The following SURF4 variants were observed in gnomAD, a reference collection of about 807,000 sequenced individuals.
SURF4 encodes the protein surfeit 4, also known as surfeit locus protein 4.
A neutral mutation model predicts 30.0 loss-of-function variants in SURF4; 3 were observed. That is an observed-to-expected ratio of 0.10 (90% CI 0.05 to 0.26). The LOEUF (loss-of-function observed/expected upper bound fraction) is 0.26, where lower values mean the gene tolerates loss of function less well. Ranked by LOEUF, SURF4 falls within the 10% of genes least tolerant of loss-of-function variation. The pLI is 1.00. For missense variants in SURF4, 217 were observed against 350.8 expected, an observed-to-expected ratio of 0.62 and a Z score of 3.05; for synonymous variants, 143 against 139.9, an observed-to-expected ratio of 1.02 and a Z score of -0.16.
Position 133,375,360 on chromosome 9 carries a change from G to C in SURF4, c.48+562C>G, listed in dbSNP as rs1032438297. The stretch of plus-strand genomic sequence containing the variant: ...AAACGGGGAGGGAGACGCAGACAGG[G>C]TCAAAGGGACCCCAAGAGTCCAGCA... On this transcript the variant is annotated intron_variant, in intron 1 of 5. Transcript: ENST00000371989. 7 of 985,654 alleles carry C rather than the reference G, an allele frequency of 7.1e-6. No homozygotes were observed. The African/African-American group carries it at 1.0e-4, about 15-fold the overall frequency. 61.1% of individuals were successfully genotyped at this position (985,654 alleles called of 1,614,324 possible).
At position 133,362,605 on chromosome 9, in the gene SURF4, C is replaced by T. The variant is rs2130077445; in HGVS notation, c.*888G>A. Reference sequence around the variant, plus strand: ...GGGTTGAGTCCGTGGGTCTCCAGTGCTGGGAGCTCCTGCCACACCCCCTGC... The same window carrying T: ...GGGTTGAGTCCGTGGGTCTCCAGTGTTGGGAGCTCCTGCCACACCCCCTGC... On this transcript the variant is annotated 3_prime_UTR_variant, in exon 6 of 6. Transcript: ENST00000371989. 5 of 152,704 alleles carry T rather than the reference C, an allele frequency of 3.3e-5. No homozygotes were observed. Among genetic ancestry groups the T allele is most frequent in the Admixed American group, 6.5e-5 (1 of 15,286 alleles). The allele number at this position is 152,704 out of a possible 1,614,324, so 9.5% of individuals were successfully genotyped here.
intron 1 of SURF4, chr9:133,372,769 A>C (rs1837578966): frequency 2.9e-6 from 1 of 341,104 alleles, no homozygotes; most frequent in African/African-American, 2.2e-5. Flanking sequence ...GGCAGCTTTA[A>C]GTACTATGTG....
chr9:133,372,518 G>A (rs1837564648), intron 1 of SURF4: 1 of 854,236 alleles, frequency 1.2e-6, no homozygotes, highest in Non-Finnish European at 1.4e-6. Context: ...CATGGACCCG[G>A]CCCAGTGAAA....
upstream of SURF4, chr9:133,376,308 T>G: frequency 7.5e-7 from 1 of 1,341,466 alleles, no homozygotes; most frequent in Non-Finnish European, 9.5e-7. Context: ...GCGGAACGCG[T>G]CCCTTTTAAG....
intron 1 of SURF4, among the ~76,000 whole-genome samples, chr9:133,374,350 C>T (rs2130222903): frequency 2.6e-5 from 4 of 151,430 alleles, no homozygotes; most frequent in African/African-American, 4.8e-5. Flanking sequence ...GTCGGGAGTT[C>T]GAGACCAGCC....
rs2130062067 is a variant in SURF4 at position 133,361,525 on chromosome 9, A to G, written c.*1968T>C. The G allele has an allele frequency of 5.9e-6, 1 of 168,970 alleles. No homozygotes were observed. The highest frequency in any genetic ancestry group is 2.4e-5 in the African/African-American group (1 of 42,020). 10.5% of individuals were successfully genotyped at this position (168,970 alleles called of 1,614,324 possible). On this transcript the variant is annotated 3_prime_UTR_variant, in exon 6 of 6. Coordinates refer to ENST00000371989, the MANE Select transcript of SURF4 (RefSeq NM_033161.4). ...AAAAATCAAAACGTTTTCAAACACA[A>G]CTAAGATATAAAATACAGCATAAAA...
At chr9:133,366,892 G>A (rs2130134228) in intron 2 of SURF4, among the ~76,000 whole-genome samples, 8,560 of 152,246 alleles carry the variant, frequency 0.056, 333 homozygotes, top group Non-Finnish European at 0.087. Context: ...AGCCCTTGCC[G>A]TCATAAAGAA....
Position 133,367,253 on chromosome 9 carries a change from A to G in SURF4, c.235+6T>C. The G allele has an allele frequency of 6.2e-7, 1 of 1,613,082 alleles. No individual in the cohort carries two copies. The highest frequency in any genetic ancestry group is 1.3e-5 in the African/African-American group (1 of 75,014). On this transcript the variant is annotated splice_donor_region_variant and intron_variant, in intron 2 of 5. Coordinates refer to ENST00000371989, the MANE Select transcript of SURF4 (RefSeq NM_033161.4). The stretch of plus-strand genomic sequence containing the variant: ...GTGAATCCTGACCACCCGCAGAGCC[A>G]CTCACTCAGCTGTCCCAGCAAGTTG...
At chr9:133,372,253 G>A (rs181921233) in intron 1 of SURF4, among the ~76,000 whole-genome samples, 1 of 152,244 alleles carries the variant, frequency 6.6e-6, no homozygotes, top group African/African-American at 2.4e-5. Flanking sequence ...AGAGAGACAA[G>A]AGATGCAACT....
At chr9:133,369,879 C>A (rs1215543925) in intron 1 of SURF4, among the ~76,000 whole-genome samples, 2 of 152,226 alleles carry the variant, frequency 1.3e-5, no homozygotes, top group East Asian at 1.9e-4. Flanking sequence ...AAGAGCTCAA[C>A]AGGAGGCTGT....
upstream of SURF4, chr9:133,376,599 G>A: frequency 6.5e-7 from 1 of 1,530,494 alleles, no homozygotes. Context: ...GAGCTCCGTG[G>A]GGTAACGGTC....
At position 133,367,443 on chromosome 9, in the gene SURF4, G is replaced by A. The variant is rs2130142487; in HGVS notation, c.51C>T (p.Phe17=). The A allele has an allele frequency of 1.2e-6, 2 of 1,613,384 alleles. No homozygotes were observed. Among genetic ancestry groups the A allele is most frequent in the Admixed American group, 1.7e-5 (1 of 60,034 alleles). The part of the protein sequence containing the change: ...MGTAEDFADQ[F]LRVTKQYLPH... Reference sequence around the variant, plus strand: ...GCAGGTACTGCTTTGTGACACGGAGGAACTGCAGGGCCACAGAAACCCAAG... The same window carrying A: ...GCAGGTACTGCTTTGTGACACGGAGAAACTGCAGGGCCACAGAAACCCAAG... Residue 17 remains phenylalanine, a splice_region_variant and synonymous_variant, in exon 2 of 6, where the codon TTC becomes TTT. Coordinates refer to ENST00000371989, the MANE Select transcript of SURF4 (RefSeq NM_033161.4).
intron 1 of SURF4, among the ~76,000 whole-genome samples, chr9:133,369,993 A>G (rs150738306): frequency 1.3e-5 from 2 of 152,252 alleles, no homozygotes; most frequent in African/African-American, 4.8e-5. Context: ...TGCAATCCAT[A>G]CCCAAGACAG....
chr9:133,377,437 G>T (rs2130254000), upstream of SURF4, among the ~76,000 whole-genome samples: 1 of 152,222 alleles, frequency 6.6e-6, no homozygotes, highest in Non-Finnish European at 1.5e-5. Flanking sequence ...AGGCCAAGGC[G>T]GGCGGATCAC....
rs2130199847 is a variant in SURF4 at position 133,372,778 on chromosome 9, T to C, written c.48+3144A>G. ...TGGTCTGGCAGCTTTAAGTACTATG[T>C]GAATAAAGAGAAACAAAGCCCCACC... is the stretch of plus-strand genomic sequence containing the variant. On this transcript the variant is annotated intron_variant, in intron 1 of 5. Coordinates refer to ENST00000371989, the MANE Select transcript of SURF4 (RefSeq NM_033161.4). The C allele has an allele frequency of 3.6e-5, 11 of 307,584 alleles. No homozygotes were observed. In the South Asian group the frequency reaches 8.9e-4, roughly 25 times the overall value. The allele number at this position is 307,584 out of a possible 1,614,324, so 19.1% of individuals were successfully genotyped here.
chr9:133,375,796 C>T, intron 1 of SURF4, 126 bp downstream of exon 1: 1 of 988,634 alleles, frequency 1.0e-6, no homozygotes, highest in Admixed American at 4.5e-5. Flanking sequence ...CGGGGGGGTC[C>T]CCCTGTGGGA....
Position 133,363,459 on chromosome 9 carries a change from G to C in SURF4, c.*34C>G. On this transcript the variant is annotated 3_prime_UTR_variant, in exon 6 of 6. Coordinates refer to ENST00000371989, the MANE Select transcript of SURF4 (RefSeq NM_033161.4). The surrounding 1 kb of genome is among the most constrained non-coding windows in gnomAD (Gnocchi z 4.3). ...CCCCGAACCAGTCCTTGACGGCCAC[G>C]GGTCTTAGCCAGGCAGGTAGGGATC... 1.9e-6 allele frequency: 3 copies of C among 1,614,214 alleles called. No homozygotes were observed. Among genetic ancestry groups the C allele is most frequent in the Non-Finnish European group, 2.5e-6 (3 of 1,180,036 alleles).
At chr9:133,374,479 T>A (rs1472898503) in intron 1 of SURF4, among the ~76,000 whole-genome samples, 2 of 152,064 alleles carry the variant, frequency 1.3e-5, no homozygotes, top group Non-Finnish European at 2.9e-5. Context: ...GAGAATCGCT[T>A]GAACCCAGGA....
At chr9:133,366,381 T>A (rs1481984482) in intron 3 of SURF4, among the ~76,000 whole-genome samples, 1 of 152,134 alleles carries the variant, frequency 6.6e-6, no homozygotes, top group Admixed American at 6.6e-5. Flanking sequence ...GTCACGGTAA[T>A]CATAGAAATG....
Sources: gnomAD v4.1 joint callset for allele counts (sites outside exome capture counted in the v4.1 genomes callset) on GRCh38, gnomAD v4.1.1 for gene constraint, Gnocchi (gnomAD v3.1) non-coding constraint, MANE v1.5 for transcripts, NCBI Gene and HGNC (gene_info 2026-07-23, HGNC 2026-07-21) for gene names.